CNTN1: variants seen among roughly 807,000 people sequenced by gnomAD.
CNTN1 encodes the protein contactin 1.
A neutral mutation model predicts 126.4 loss-of-function variants in CNTN1; 38 were observed. The ratio of observed to expected loss-of-function variants is 0.30; its 90% confidence interval spans 0.23 to 0.39. CNTN1 has a LOEUF of 0.39. Among genes scored for constraint, CNTN1 ranks in the 10% least tolerant of loss-of-function variants. CNTN1 has a pLI of 1.00. For synonymous variants in CNTN1, 413 were observed against 422.6 expected, an observed-to-expected ratio of 0.98 and a Z score of 0.28; for missense variants, 1,009 against 1,248.4, an observed-to-expected ratio of 0.81 and a Z score of 2.89.
In CNTN1 at chr12:40,954,061, G is replaced by A. The variant is rs928104456; in HGVS notation, c.1684-5053G>A. Among the ~76,000 whole-genome samples the A allele has an allele frequency of 5.3e-5, 8 of 152,006 alleles. No individual in the cohort carries two copies. In the South Asian group the frequency reaches 1.7e-3, roughly 32 times the overall value. ...TTGAAAATTCAAATCTAATGACATG[G>A]CTCATTGAAATAGTGGGAGTTTAGT... On this transcript the variant is annotated intron_variant, in intron 14 of 23. Coordinates refer to ENST00000551295, the MANE Select transcript of CNTN1 (RefSeq NM_001843.4).
chr12:40,987,098 T>G (rs1238939591), intron 16 of CNTN1, among the ~76,000 whole-genome samples: 1 of 152,262 alleles, frequency 6.6e-6, no homozygotes, highest in Admixed American at 6.5e-5. Context: ...CTAGTGAAGT[T>G]CTCTTGTGAC....
At chr12:40,969,262 T>G (rs571476819) in intron 15 of CNTN1, among the ~76,000 whole-genome samples, 1 of 152,262 alleles carries the variant, frequency 6.6e-6, no homozygotes, top group Non-Finnish European at 1.5e-5. Context: ...CACAAAAGTT[T>G]GGGCATATTA....
chr12:41,020,511 G>A (rs375952185), intron 20 of CNTN1, 71 bp downstream of exon 20: 2 of 992,508 alleles, frequency 2.0e-6, no homozygotes, highest in Non-Finnish European at 3.1e-6. Flanking sequence ...CAAATGTGTT[G>A]TATGTTTCAA....
At chr12:40,774,164 G>A (rs547272177) in intron 1 of CNTN1, among the ~76,000 whole-genome samples, 3 of 151,694 alleles carry the variant, frequency 2.0e-5, no homozygotes, top group East Asian at 1.9e-4. Context: ...TAGGTGGGAC[G>A]AGTTGATCAG....
At chr12:40,853,424 A>G (rs1023028907) in intron 1 of CNTN1, among the ~76,000 whole-genome samples, 2 of 152,176 alleles carry the variant, frequency 1.3e-5, no homozygotes, top group Non-Finnish European at 2.9e-5. Context: ...CCTTGCCCAC[A>G]TGAGAAAAGT....
At chr12:40,901,147 G>T (rs1383041057) in intron 1 of CNTN1, among the ~76,000 whole-genome samples, 1 of 152,198 alleles carries the variant, frequency 6.6e-6, no homozygotes, top group Non-Finnish European at 1.5e-5. Flanking sequence ...AGTTAATAGG[G>T]ATCGTGTAGA....
At chr12:40,707,679 C>T (rs1028458994) in intron 1 of CNTN1, among the ~76,000 whole-genome samples, 1 of 152,018 alleles carries the variant, frequency 6.6e-6, no homozygotes, top group African/African-American at 2.4e-5. Context: ...CTGTGCTTGT[C>T]CAGATATTTT....
At chr12:40,713,318 CA>C (rs1941971038) in intron 1 of CNTN1, among the ~76,000 whole-genome samples, 1 of 150,628 alleles carries the variant, frequency 6.6e-6, no homozygotes, top group Non-Finnish European at 1.5e-5. Flanking sequence ...TGATATAGTT[CA>C]TGGGAATAGT....
At chr12:40,787,175 C>A (rs1940055683) in intron 1 of CNTN1, among the ~76,000 whole-genome samples, 1 of 152,064 alleles carries the variant, frequency 6.6e-6, no homozygotes, top group Non-Finnish European at 1.5e-5. Flanking sequence ...ATAATATAAC[C>A]TCTCAATTGT....
chr12:40,760,520 G>C (rs967584939), intron 1 of CNTN1, among the ~76,000 whole-genome samples: 2 of 151,760 alleles, frequency 1.3e-5, no homozygotes, highest in East Asian at 3.9e-4. Flanking sequence ...CTCACTAGGC[G>C]TGTGCAAATT....
intron 15 of CNTN1, among the ~76,000 whole-genome samples, chr12:40,964,525 A>AGTGTGTGT (rs369450437): frequency 0.023 from 2,462 of 104,768 alleles, 31 homozygotes; most frequent in African/African-American, 0.044. Flanking sequence ...CGTGTAAGTG[A>AGTGTGTGT]GTGTGTGTGT....
chr12:40,974,631 G>C (rs1046943368), intron 15 of CNTN1, among the ~76,000 whole-genome samples: 8 of 152,032 alleles, frequency 5.3e-5, no homozygotes, highest in Admixed American at 4.6e-4. Flanking sequence ...ATTGTTTTTA[G>C]GATAGTTGTT....
At chr12:40,742,789 A>G (rs1471558408) in intron 1 of CNTN1, among the ~76,000 whole-genome samples, 1 of 152,110 alleles carries the variant, frequency 6.6e-6, no homozygotes, top group African/African-American at 2.4e-5. Flanking sequence ...TGGTGCTATG[A>G]TAATTTTCCT....
At position 41,029,068 on chromosome 12, in the gene CNTN1, C is replaced by G. The variant is rs1349902745; in HGVS notation, c.2829C>G (p.Leu943=). The G allele has an allele frequency of 6.2e-7, 1 of 1,613,872 alleles. No individual in the cohort carries two copies. The highest frequency in any genetic ancestry group is 2.2e-5 in the East Asian group (1 of 44,862). ...NESTVTGYKV[L]YRPDGQHDGK... ...ACATTTCTGTACTTTATAAGGTACT[C>G]TACAGACCTGATGGCCAGCATGATG... Residue 943 remains leucine (L), a synonymous_variant, in exon 23 of 24, where the codon CTC becomes CTG. Transcript: ENST00000551295.
chr12:41,057,797 A>T lies in CNTN1; in HGVS notation c.2981-12162A>T, dbSNP rs181050538. 5.8e-4 allele frequency among the ~76,000 whole-genome samples: 85 copies of T among 146,912 alleles called. 2 individuals are homozygous for T. The highest frequency in any genetic ancestry group is 1.7e-3 in the African/African-American group (63 of 36,718). On this transcript the variant is annotated intron_variant, in intron 23 of 23. Transcript: ENST00000551295. ...TATTTTTATATTTTGCTTTTCTTAT[A>T]CATAAGCATGAGATGATGAGATCCT... is the stretch of plus-strand genomic sequence containing the variant.
At chr12:40,722,604 A>T (rs1339298072) in intron 1 of CNTN1, among the ~76,000 whole-genome samples, 1 of 152,152 alleles carries the variant, frequency 6.6e-6, no homozygotes, top group Non-Finnish European at 1.5e-5. Context: ...ATATACATAT[A>T]CATACATACG....
rs1045038665 is a variant in CNTN1 at position 40,859,543 on chromosome 12, C to T, written c.-76-48814C>T. Among the ~76,000 whole-genome samples, 23 of 151,824 alleles carry T rather than the reference C, an allele frequency of 1.5e-4. 1 individual carries two copies. Among genetic ancestry groups the T allele is most frequent in the Admixed American group, 8.5e-4 (13 of 15,212 alleles). On this transcript the variant is annotated intron_variant, in intron 1 of 23. Transcript: ENST00000551295. ...AATTGTGCAATGGAAAAAAAAACAA[C>T]GACAAAAAGATTTTCTTTTTTTGCA...
chr12:40,725,544 C>A (rs1455765123), intron 1 of CNTN1, among the ~76,000 whole-genome samples: 1 of 151,570 alleles, frequency 6.6e-6, no homozygotes, highest in Non-Finnish European at 1.5e-5. Context: ...CCAGGAATGT[C>A]TTTCTCAAGG....
At chr12:41,040,322 T>C (rs1267486432) in intron 23 of CNTN1, among the ~76,000 whole-genome samples, 1 of 152,120 alleles carries the variant, frequency 6.6e-6, no homozygotes, top group Non-Finnish European at 1.5e-5. Flanking sequence ...GTGAATAATA[T>C]CTGAACAAAA....
Sources: allele counts gnomAD v4.1 joint callset (sites outside exome capture counted in the v4.1 genomes callset), GRCh38; gene constraint gnomAD v4.1.1; transcripts MANE v1.5; gene names NCBI Gene and HGNC (gene_info 2026-07-23, HGNC 2026-07-21).